Variants in FRMD4A observed in about 807,000 individuals in gnomAD.
The protein encoded by FRMD4A is FERM domain-containing protein 4A.
Under a neutral mutation model 129.1 loss-of-function variants are expected in FRMD4A, and 29 were observed. That is an observed-to-expected ratio of 0.22 (90% CI 0.17 to 0.31). FRMD4A has a LOEUF of 0.31. FRMD4A is among the 10% of genes least tolerant of loss of function. The pLI is 1.00. For missense variants in FRMD4A, 1,272 were observed against 1,375.8 expected (o/e 0.92, Z 1.19); for synonymous variants, 634 against 571.6 (o/e 1.11, Z -1.56).
chr10:14,221,570 A>G lies in FRMD4A; in HGVS notation c.45+108488T>C, dbSNP rs535042304. 8.5e-5 allele frequency among the ~76,000 whole-genome samples: 13 copies of G among 152,166 alleles called. No individual in the cohort carries two copies. The South Asian group carries it at 2.5e-3, about 29-fold the overall frequency. On this transcript the variant is annotated intron_variant, in intron 2 of 24. Transcript: ENST00000357447. Reference sequence around the variant, plus strand: ...TAACCTTAGGGAGAAGTCTGACTATATCTGTACTTCTTAATCTCTTGCTCT... The same window carrying G: ...TAACCTTAGGGAGAAGTCTGACTATGTCTGTACTTCTTAATCTCTTGCTCT...
At chr10:14,066,694 G>GA (rs1201819789) in intron 2 of FRMD4A, among the ~76,000 whole-genome samples, 1 of 152,130 alleles carries the variant, frequency 6.6e-6, no homozygotes, top group Non-Finnish European at 1.5e-5. Context: ...AAAGCAGATT[G>GA]AAAAGAGATG....
intron 2 of FRMD4A, among the ~76,000 whole-genome samples, chr10:14,176,299 T>C (rs79236910): frequency 1.3e-5 from 2 of 152,098 alleles, no homozygotes; most frequent in Admixed American, 1.3e-4. Flanking sequence ...CTCCCCATGT[T>C]TTTGGGTTTC....
At chr10:13,881,578 G>T (rs927723356) in intron 2 of FRMD4A, among the ~76,000 whole-genome samples, 1 of 152,158 alleles carries the variant, frequency 6.6e-6, no homozygotes, top group Non-Finnish European at 1.5e-5. Context: ...AGTCCCTAGA[G>T]ATCTGCGCAG....
rs1329692311 is a variant in FRMD4A, at chr10:14,089,643, A to C, written c.46-230731T>G. On this transcript the variant is annotated intron_variant, in intron 2 of 24. Transcript: ENST00000357447. Reference sequence around the variant, plus strand: ...CAAAAAAAAAAACAAAAAAAAACAAACAAAAAAAAAACAGAAGAAAGAAAT... The same window carrying C: ...CAAAAAAAAAAACAAAAAAAAACAACCAAAAAAAAAACAGAAGAAAGAAAT... Among the ~76,000 whole-genome samples the C allele has an allele frequency of 9.0e-5, 13 of 144,020 alleles. 1 individual carries two copies. The highest frequency in any genetic ancestry group is 2.1e-4 in the Admixed American group (3 of 14,626). The allele number at this position is 144,020 out of a possible 152,430, so 94.5% of individuals were successfully genotyped here.
chr10:14,239,745 T>C (rs1333508511), intron 2 of FRMD4A, among the ~76,000 whole-genome samples: 2 of 152,116 alleles, frequency 1.3e-5, no homozygotes, highest in East Asian at 3.8e-4. Context: ...GCCTGACTGT[T>C]GAGATTGCAC....
intron 2 of FRMD4A, among the ~76,000 whole-genome samples, chr10:14,137,781 G>A (rs987777595): frequency 2.0e-5 from 3 of 151,992 alleles, no homozygotes; most frequent in Non-Finnish European, 2.9e-5. Context: ...GCCCTCCTTT[G>A]CTACGCACTA....
intron 2 of FRMD4A, among the ~76,000 whole-genome samples, chr10:13,973,026 A>C (rs1216905424): frequency 1.3e-5 from 2 of 152,188 alleles, no homozygotes; most frequent in Non-Finnish European, 2.9e-5. Flanking sequence ...CCTCAGTTTG[A>C]ATTTGGCTCT....
chr10:14,010,664 CTTTTTTTTT>C (rs779471389), intron 2 of FRMD4A, among the ~76,000 whole-genome samples: 20 of 76,420 alleles, frequency 2.6e-4, no homozygotes, highest in South Asian at 7.3e-4. Context: ...GAGTTTAGGT[CTTTTTTTTT>C]TTTTTTTTTT....
intron 2 of FRMD4A, among the ~76,000 whole-genome samples, chr10:14,313,573 T>G (rs1846632803): frequency 1.3e-5 from 2 of 152,236 alleles, no homozygotes; most frequent in South Asian, 4.1e-4. Context: ...TTTTCTATTT[T>G]CTTTTTGATC....
intron 4 of FRMD4A, among the ~76,000 whole-genome samples, chr10:13,797,841 C>G (rs554390953): frequency 6.6e-6 from 1 of 151,868 alleles, no homozygotes; most frequent in African/African-American, 2.4e-5. Flanking sequence ...AAACCTCCAA[C>G]AAAGGAAAGA....
intron 12 of FRMD4A, among the ~76,000 whole-genome samples, chr10:13,710,003 A>G (rs927793341): frequency 3.3e-5 from 5 of 152,038 alleles, no homozygotes; most frequent in South Asian, 2.1e-4. Context: ...CACTGAACCC[A>G]CCTAATGGGT....
At chr10:13,734,140 C>G (rs117148234) in intron 12 of FRMD4A, among the ~76,000 whole-genome samples, 2,447 of 152,182 alleles carry the variant, frequency 0.016, 34 homozygotes, top group Non-Finnish European at 0.026. Flanking sequence ...CTGCATTGCC[C>G]TCCTTCTCTC....
chr10:14,152,503 A>G (rs1408847412), intron 2 of FRMD4A, among the ~76,000 whole-genome samples: 1 of 152,166 alleles, frequency 6.6e-6, no homozygotes, highest in East Asian at 1.9e-4. Context: ...ATATCTGACC[A>G]GCATGTTGGT....
intron 2 of FRMD4A, among the ~76,000 whole-genome samples, chr10:14,174,893 G>GTA (rs2131891102): frequency 1.3e-5 from 2 of 151,286 alleles, no homozygotes; most frequent in East Asian, 3.9e-4. Flanking sequence ...GTGTGTGTGT[G>GTA]TGTGTGTGTG....
At chr10:14,072,853 G>T (rs565479888) in intron 2 of FRMD4A, among the ~76,000 whole-genome samples, 1 of 152,092 alleles carries the variant, frequency 6.6e-6, no homozygotes, top group Non-Finnish European at 1.5e-5. Flanking sequence ...ACGTGCTTCC[G>T]GAAAATAGCT....
At chr10:14,123,824 C>T (rs756907397) in intron 2 of FRMD4A, among the ~76,000 whole-genome samples, 11 of 152,134 alleles carry the variant, frequency 7.2e-5, no homozygotes, top group East Asian at 1.9e-4. Context: ...CAGCGGGCTC[C>T]GTGGTCACTT....
chr10:14,208,332 A>G (rs972214462), intron 2 of FRMD4A, among the ~76,000 whole-genome samples: 4 of 152,176 alleles, frequency 2.6e-5, no homozygotes, highest in African/African-American at 7.2e-5. Context: ...CAGGGTGCCA[A>G]TGGCCCTGGG....
intron 2 of FRMD4A, among the ~76,000 whole-genome samples, chr10:14,165,397 C>T (rs1487221890): frequency 6.6e-6 from 1 of 152,126 alleles, no homozygotes; most frequent in Non-Finnish European, 1.5e-5. Flanking sequence ...AAATGGAATG[C>T]CTATACACTG....
At chr10:14,162,072 T>G (rs1840916970) in intron 2 of FRMD4A, among the ~76,000 whole-genome samples, 1 of 151,540 alleles carries the variant, frequency 6.6e-6, no homozygotes, top group Non-Finnish European at 1.5e-5. Flanking sequence ...TATTTTCATG[T>G]CATCATGTAA....
Sources: allele counts gnomAD v4.1 joint callset (sites outside exome capture counted in the v4.1 genomes callset), GRCh38; gene constraint gnomAD v4.1.1; transcripts MANE v1.5; gene names NCBI Gene and HGNC (gene_info 2026-07-23, HGNC 2026-07-21).